The following GREB1L variants were observed in gnomAD, a reference collection of about 807,000 sequenced individuals.
GREB1L encodes GREB1 like retinoic acid receptor coactivator.
Under a neutral mutation model 200.8 loss-of-function variants are expected in GREB1L, and 17 were observed. That is an observed-to-expected ratio of 0.08 (90% CI 0.06 to 0.13). GREB1L has a LOEUF of 0.13. Among genes scored for constraint, GREB1L ranks in the 10% least tolerant of loss-of-function variants. GREB1L has a pLI of 1.00. For missense variants in GREB1L, 1,657 were observed against 2,367.7 expected (o/e 0.70, Z 6.23); for synonymous variants, 789 against 893.0 (o/e 0.88, Z 2.08).
rs1366719201 is a variant in GREB1L at position 21,483,981 on chromosome 18, AG to A, written c.2557-1638del. On this transcript the variant is annotated intron_variant, in intron 17 of 32. Coordinates refer to ENST00000424526, the MANE Select transcript of GREB1L (RefSeq NM_001142966.3). The stretch of plus-strand genomic sequence containing the variant: ...ACAGAGTGAGACTCCTCAAAAAAAA[AG>A]AAAAAAAAAAAGCTCAGAATTTGGG... Among the ~76,000 whole-genome samples the A allele has an allele frequency of 4.8e-4, 72 of 149,716 alleles. 4 individuals carry two copies. The highest frequency in any genetic ancestry group is 8.0e-4 in the East Asian group (4 of 5,024).
chr18:21,265,781 A>G (rs1194220385), intron 1 of GREB1L, among the ~76,000 whole-genome samples: 1 of 152,170 alleles, frequency 6.6e-6, no homozygotes, highest in Non-Finnish European at 1.5e-5. Flanking sequence ...GGGCTTATCA[A>G]ACATCTTCAT....
At chr18:21,282,453 A>C (rs1416671649) in intron 1 of GREB1L, among the ~76,000 whole-genome samples, 2 of 152,140 alleles carry the variant, frequency 1.3e-5, no homozygotes, top group African/African-American at 4.8e-5. Flanking sequence ...ATTCTTGTTT[A>C]TATGCTTACA....
chr18:21,429,307 C>A (rs2032960940), intron 7 of GREB1L, among the ~76,000 whole-genome samples: 1 of 131,222 alleles, frequency 7.6e-6, no homozygotes, highest in East Asian at 2.4e-4. Flanking sequence ...CCTCTCCTCT[C>A]CTCTCCTCTC....
intron 2 of GREB1L, among the ~76,000 whole-genome samples, chr18:21,367,059 G>A (rs2039704825): frequency 6.6e-6 from 1 of 152,182 alleles, no homozygotes; most frequent in Admixed American, 6.5e-5. Flanking sequence ...GGCACATTCT[G>A]TGGACCCTGG....
chr18:21,465,159 A>G (rs1258733686), intron 15 of GREB1L, among the ~76,000 whole-genome samples: 1 of 152,186 alleles, frequency 6.6e-6, no homozygotes, highest in Non-Finnish European at 1.5e-5. Flanking sequence ...AAAATATATT[A>G]TTATTAACTA....
At chr18:21,259,471 C>G (rs992407099) in intron 1 of GREB1L, among the ~76,000 whole-genome samples, 15 of 152,048 alleles carry the variant, frequency 9.9e-5, no homozygotes, top group Admixed American at 1.3e-4. Context: ...GCTGTCCCTG[C>G]CCTTGGGGAA....
At chr18:21,493,636 G>A (rs1270062953) in intron 19 of GREB1L, among the ~76,000 whole-genome samples, 1 of 152,010 alleles carries the variant, frequency 6.6e-6, no homozygotes, top group Non-Finnish European at 1.5e-5. Flanking sequence ...GGAGACTGAG[G>A]CGGGCAGTCG....
chr18:21,369,367 G>A (rs1056423565), intron 2 of GREB1L, among the ~76,000 whole-genome samples: 8 of 152,138 alleles, frequency 5.3e-5, no homozygotes, highest in African/African-American at 1.9e-4. Flanking sequence ...GAGGTCACAC[G>A]TTGCCTATTA....
chr18:21,509,239 G>T (rs1284350030), intron 27 of GREB1L, among the ~76,000 whole-genome samples: 1 of 152,236 alleles, frequency 6.6e-6, no homozygotes, highest in Non-Finnish European at 1.5e-5. Context: ...ATCTCTAACT[G>T]AATCCAGTGT....
chr18:21,503,207 A>G (rs987038742), intron 23 of GREB1L, among the ~76,000 whole-genome samples: 13 of 151,548 alleles, frequency 8.6e-5, no homozygotes, highest in African/African-American at 3.1e-4. Flanking sequence ...ATTATTATTA[A>G]TAATAAAAAA....
At chr18:21,476,796 C>T (rs1188321621) in intron 16 of GREB1L, among the ~76,000 whole-genome samples, 1 of 151,282 alleles carries the variant, frequency 6.6e-6, no homozygotes, top group Non-Finnish European at 1.5e-5. Flanking sequence ...CCAGGCTGGT[C>T]TTGAACTCCT....
chr18:21,373,959 G>A (rs2039975633), intron 2 of GREB1L, among the ~76,000 whole-genome samples: 1 of 151,802 alleles, frequency 6.6e-6, no homozygotes, highest in African/African-American at 2.4e-5. Context: ...TAGCCTATGG[G>A]AGCTCTTCAG....
chr18:21,323,061 G>T (rs2038973885), intron 1 of GREB1L, among the ~76,000 whole-genome samples: 1 of 152,240 alleles, frequency 6.6e-6, no homozygotes, highest in South Asian at 2.1e-4. Context: ...AAGTCAGGCA[G>T]ATTGCTTGAG....
intron 5 of GREB1L, among the ~76,000 whole-genome samples, chr18:21,396,169 C>T (rs1279475585): frequency 2.6e-5 from 4 of 151,896 alleles, no homozygotes; most frequent in South Asian, 2.1e-4. Flanking sequence ...CTCAGCCTCC[C>T]GAGTAGCTGG....
At position 21,485,763 on chromosome 18, in the gene GREB1L, A is replaced by G; in HGVS notation, c.2690+10A>G. 1 of 1,550,654 alleles carries G rather than the reference A, an allele frequency of 6.4e-7. No homozygotes were observed. The highest frequency in any genetic ancestry group is 8.7e-7 in the Non-Finnish European group (1 of 1,146,422). ...ACACACTCTTGGAGAGGTAAATAGT[A>G]AATAAGGCCTTCTGCTCTTCTCTCT... On this transcript the variant is annotated intron_variant, in intron 18 of 32. Coordinates refer to ENST00000424526, the MANE Select transcript of GREB1L (RefSeq NM_001142966.3).
intron 23 of GREB1L, among the ~76,000 whole-genome samples, chr18:21,502,562 A>G (rs980930527): frequency 1.3e-5 from 2 of 152,156 alleles, no homozygotes; most frequent in African/African-American, 4.8e-5. Flanking sequence ...CCACTTTTTT[A>G]TGGCTTCAGG....
chr18:21,276,847 C>G (rs1022195315), intron 1 of GREB1L, among the ~76,000 whole-genome samples: 1 of 150,818 alleles, frequency 6.6e-6, no homozygotes, highest in East Asian at 1.9e-4. Flanking sequence ...AGAAAGGAAG[C>G]GTTTTTGATA....
chr18:21,282,275 TA>T (rs1199022409), intron 1 of GREB1L, among the ~76,000 whole-genome samples: 3 of 151,374 alleles, frequency 2.0e-5, no homozygotes, highest in Non-Finnish European at 3.0e-5. Flanking sequence ...CCCCATCTCT[TA>T]AAAAAAAATT....
chr18:21,429,543 G>A (rs1265683718), intron 7 of GREB1L, among the ~76,000 whole-genome samples: 1 of 151,776 alleles, frequency 6.6e-6, no homozygotes, highest in Admixed American at 6.6e-5. Context: ...TTGGCCTTAA[G>A]AAGTTGAGTT....
Sources: allele counts gnomAD v4.1 joint callset (sites outside exome capture counted in the v4.1 genomes callset), GRCh38; gene constraint gnomAD v4.1.1; transcripts MANE v1.5; gene names NCBI Gene and HGNC (gene_info 2026-07-23, HGNC 2026-07-21).